Variants in FANCI observed in about 807,000 individuals in gnomAD.
FANCI encodes the protein Fanconi anemia group I protein.
FANCI carries 156 observed loss-of-function variants against 176.1 expected under a neutral mutation model. The observed-to-expected ratio is 0.89, with a 90% CI of 0.78 to 1.01. FANCI has a LOEUF of 1.01. Ranked by LOEUF, FANCI falls within the 50% of genes least tolerant of loss-of-function variation. The probability of loss-of-function intolerance (pLI) is 0.00; values close to 1 mark genes in which losing one functional copy is unlikely to be tolerated. For missense variants in FANCI, 1,678 were observed against 1,534.1 expected (o/e 1.09, Z -1.57); for synonymous variants, 613 against 541.7 (o/e 1.13, Z -1.83).
At chr15:89,255,337 TACTG>T (rs1431922992) in intron 2 of FANCI, among the ~76,000 whole-genome samples, 1 of 152,234 alleles carries the variant, frequency 6.6e-6, no homozygotes, top group African/African-American at 2.4e-5. Flanking sequence ...TTCCTGGTGA[TACTG>T]ACTTTGATAA....
rs140164531 is a variant in FANCI, at chr15:89,279,141, T to TTTG, written c.1381+397_1381+399dup. ...CTCTGGTAACCTCTGAATTTGCTGT[T>TTTG]TTGTTGTTGTTGTTGTTGTTGTTGT... On this transcript the variant is annotated intron_variant, in intron 14 of 37. Transcript: ENST00000310775. Among the ~76,000 whole-genome samples, 1,205 of 151,008 alleles carry TTTG rather than the reference T, an allele frequency of 8.0e-3. 8 individuals are homozygous for TTTG. Among genetic ancestry groups the TTTG allele is most frequent in the Middle Eastern group, 0.014 (4 of 292 alleles).
chr15:89,286,727 T>C (rs566886538), intron 18 of FANCI, among the ~76,000 whole-genome samples: 2 of 152,128 alleles, frequency 1.3e-5, no homozygotes, highest in Admixed American at 6.5e-5. Flanking sequence ...TAAATGAGCA[T>C]TGATTTCAAC....
chr15:89,266,384 A>G (rs564477202), intron 9 of FANCI, among the ~76,000 whole-genome samples: 1 of 148,420 alleles, frequency 6.7e-6, no homozygotes, highest in South Asian at 2.1e-4. Context: ...GCTGGAGTAC[A>G]TTGGCATGAT....
chr15:89,295,446 A>T (rs1205377174), intron 24 of FANCI, among the ~76,000 whole-genome samples: 1 of 151,690 alleles, frequency 6.6e-6, no homozygotes, highest in Admixed American at 6.6e-5. Flanking sequence ...CGGGTGGATT[A>T]CCTGAGGTTG....
At chr15:89,249,164 T>C (rs2151074483) in intron 2 of FANCI, among the ~76,000 whole-genome samples, 1 of 152,322 alleles carries the variant, frequency 6.6e-6, no homozygotes, top group South Asian at 2.1e-4. Flanking sequence ...ATGTCAGTAA[T>C]ATATGCAGGC....
At chr15:89,271,489 T>A (rs990127654) in intron 10 of FANCI, among the ~76,000 whole-genome samples, 23 of 152,220 alleles carry the variant, frequency 1.5e-4, no homozygotes, top group African/African-American at 5.3e-4. Flanking sequence ...CAGTATTTCA[T>A]TTCTTTTTAT....
At chr15:89,277,412 T>A (rs560812057) in intron 13 of FANCI, among the ~76,000 whole-genome samples, 1 of 151,918 alleles carries the variant, frequency 6.6e-6, no homozygotes, top group Non-Finnish European at 1.5e-5. Flanking sequence ...GCTCAGGAGT[T>A]TGAGACCAGC....
chr15:89,277,412 T>C lies in FANCI; in HGVS notation c.1293+521T>C, dbSNP rs560812057. Among the ~76,000 whole-genome samples, 17 of 152,036 alleles carry C rather than the reference T, an allele frequency of 1.1e-4. No homozygotes were observed. In the South Asian group the frequency reaches 3.3e-3, roughly 30 times the overall value. On this transcript the variant is annotated intron_variant, in intron 13 of 37. Transcript: ENST00000310775. Reference sequence around the variant, plus strand: ...GGGCAGATCACTTGAGCTCAGGAGTTTGAGACCAGCCTGGGCAACGTGGCG... The same window carrying C: ...GGGCAGATCACTTGAGCTCAGGAGTCTGAGACCAGCCTGGGCAACGTGGCG...
At chr15:89,313,973 T>TCACA (rs139859584) in intron 35 of FANCI, among the ~76,000 whole-genome samples, 28,926 of 97,292 alleles carry the variant, frequency 0.3, 3,812 homozygotes, top group Non-Finnish European at 0.38. Flanking sequence ...AGATATATAA[T>TCACA]CACACACACA....
At chr15:89,269,873 C>T (rs1279802505) in intron 10 of FANCI, among the ~76,000 whole-genome samples, 1 of 151,950 alleles carries the variant, frequency 6.6e-6, no homozygotes, top group Non-Finnish European at 1.5e-5. Flanking sequence ...TGCCGTGGCC[C>T]AATCTTGGCT....
Position 89,314,663 on chromosome 15 carries a change from G to T in FANCI, c.3772G>T (p.Glu1258Ter). 1 of 1,614,080 alleles carries T rather than the reference G, an allele frequency of 6.2e-7. No homozygotes were observed. Among genetic ancestry groups the T allele is most frequent in the South Asian group, 1.1e-5 (1 of 91,076 alleles). Residue 1258 changes from glutamate to a stop codon, truncating the protein, a stop_gained, in exon 36 of 38, where the codon GAA (glutamate) becomes TAA (stop). Transcript: ENST00000310775. LOFTEE classifies it high-confidence loss of function. ...KPIPNLIFAI[E>*]QYEKFLIHLS... The stretch of plus-strand genomic sequence containing the variant: ...AATCCCTAACCTCATCTTTGCCATA[G>T]AACAGTATGAAAAATTTCTCATCCA...
At chr15:89,249,074 G>C (rs1180438010) in intron 2 of FANCI, among the ~76,000 whole-genome samples, 1 of 152,048 alleles carries the variant, frequency 6.6e-6, no homozygotes, top group East Asian at 1.9e-4. Flanking sequence ...GATTCATCTT[G>C]TTTTACTCCA....
At position 89,316,955 on chromosome 15, in the gene FANCI, G is replaced by GGTAATGTTACATGTTA. The variant is rs2055288687; in HGVS notation, c.*498_*513dup. ...AAGGTTGAGAACAATTGCCACGAAC[G>GGTAATGTTACATGTTA]GTAATGTTACATGTTAGGAGGGTCT... On this transcript the variant is annotated 3_prime_UTR_variant, in exon 38 of 38. Coordinates refer to ENST00000310775, the MANE Select transcript of FANCI (RefSeq NM_001113378.2). 3 of 745,868 alleles carry GGTAATGTTACATGTTA rather than the reference G, an allele frequency of 4.0e-6. No homozygotes were observed. The highest frequency in any genetic ancestry group is 7.3e-6 in the Non-Finnish European group (3 of 408,428). The allele number at this position is 745,868 out of a possible 1,614,324, so 46.2% of individuals were successfully genotyped here.
At chr15:89,283,980 C>A (rs1354760949) in intron 17 of FANCI, among the ~76,000 whole-genome samples, 1 of 151,926 alleles carries the variant, frequency 6.6e-6, no homozygotes, top group Non-Finnish European at 1.5e-5. Context: ...GTCAGGAGGT[C>A]TCGATCTCCT....
At chr15:89,285,988 T>TG (rs931678868) in intron 18 of FANCI, among the ~76,000 whole-genome samples, 1 of 151,242 alleles carries the variant, frequency 6.6e-6, no homozygotes. Flanking sequence ...CAAACTTAGT[T>TG]TTTTTTTTTC....
At chr15:89,244,832 A>C (rs2051873682) in intron 1 of FANCI, among the ~76,000 whole-genome samples, 1 of 152,114 alleles carries the variant, frequency 6.6e-6, no homozygotes, top group Admixed American at 6.5e-5. Flanking sequence ...TATTACACCT[A>C]CCTAGTAGGT....
In FANCI at chr15:89,281,222, T is replaced by C; in HGVS notation, c.1434T>C (p.Ser478=). The part of the protein sequence containing the change: ...MYAPLVLQSC[S]SKVTEAFDYL... ...CACCCTTAGTTCTTCAAAGTTGTTC[T>C]TCTAAAGTCACAGAAGCTTTTGACT... The change falls in exon 15 of 38, where the codon TCT becomes TCC. Residue 478 remains serine (S), a synonymous_variant. Coordinates refer to ENST00000310775, the MANE Select transcript of FANCI (RefSeq NM_001113378.2). 3 of 1,613,950 alleles carry C rather than the reference T, an allele frequency of 1.9e-6. No individual in the cohort carries two copies. The highest frequency in any genetic ancestry group is 2.5e-6 in the Non-Finnish European group (3 of 1,179,880).
At chr15:89,264,050 C>T in intron 8 of FANCI, 24 bp downstream of exon 8, 1 of 1,613,808 alleles carries the variant, frequency 6.2e-7, no homozygotes. Context: ...ATTGTTTCTC[C>T]TTAGTTCTGG....
intron 9 of FANCI, among the ~76,000 whole-genome samples, chr15:89,266,436 C>T (rs901789482): frequency 1.3e-5 from 2 of 151,114 alleles, no homozygotes; most frequent in Non-Finnish European, 2.9e-5. Flanking sequence ...TCAAGCGATC[C>T]TCCTGCCTCA....
Sources: allele counts gnomAD v4.1 joint callset (sites outside exome capture counted in the v4.1 genomes callset), GRCh38; gene constraint gnomAD v4.1.1; transcripts MANE v1.5; gene names NCBI Gene and HGNC (gene_info 2026-07-23, HGNC 2026-07-21).